The following LRRC4C variants were observed in gnomAD, a reference collection of about 807,000 sequenced individuals.
LRRC4C encodes the protein leucine rich repeat containing 4C.
LRRC4C carries 5 observed loss-of-function variants against 33.6 expected under a neutral mutation model. The ratio of observed to expected loss-of-function variants is 0.15; its 90% CI spans 0.08 to 0.31. LRRC4C has a LOEUF of 0.31. LRRC4C is among the 10% of genes least tolerant of loss of function. The probability of loss-of-function intolerance (pLI) is 1.00; values close to 1 mark genes in which losing one functional copy is unlikely to be tolerated. For missense variants in LRRC4C, 560 were observed against 796.7 expected, an observed-to-expected ratio of 0.70 and a Z score of 3.58; for synonymous variants, 329 against 302.0, an observed-to-expected ratio of 1.09 and a Z score of -0.93.
intron 5 of LRRC4C, among the ~76,000 whole-genome samples, chr11:40,233,299 A>G (rs936560992): frequency 6.6e-6 from 1 of 152,192 alleles, no homozygotes; most frequent in African/African-American, 2.4e-5. Flanking sequence ...CACAGCATAG[A>G]TCACATTTAA....
intron 3 of LRRC4C, among the ~76,000 whole-genome samples, chr11:40,449,085 T>C (rs1196176687): frequency 6.6e-6 from 1 of 152,208 alleles, no homozygotes; most frequent in Non-Finnish European, 1.5e-5. Context: ...TGCCTACTTT[T>C]TGATGGGGTT....
intron 5 of LRRC4C, among the ~76,000 whole-genome samples, chr11:40,234,613 T>A (rs959555302): frequency 4.6e-5 from 7 of 152,016 alleles, no homozygotes; most frequent in African/African-American, 1.7e-4. Flanking sequence ...TACCAAAAAA[T>A]TTTGAAAATT....
intron 1 of LRRC4C, among the ~76,000 whole-genome samples, chr11:41,311,006 C>T (rs1443411549): frequency 6.6e-6 from 1 of 152,104 alleles, no homozygotes; most frequent in Non-Finnish European, 1.5e-5. Context: ...ATATTATTTC[C>T]AACCTTCGCT....
At chr11:40,209,068 G>A (rs1421254584) in intron 5 of LRRC4C, among the ~76,000 whole-genome samples, 1 of 151,798 alleles carries the variant, frequency 6.6e-6, no homozygotes, top group Non-Finnish European at 1.5e-5. Flanking sequence ...CTGTATCCCG[G>A]CAATTTACAA....
intron 4 of LRRC4C, among the ~76,000 whole-genome samples, chr11:40,287,972 G>C (rs11035767): frequency 0.16 from 24,183 of 152,080 alleles, 1,899 homozygotes; most frequent in Non-Finnish European, 0.16. Flanking sequence ...CTCCAACAGA[G>C]TCCATATCTG....
chr11:40,793,020 G>A (rs949150373), intron 2 of LRRC4C, among the ~76,000 whole-genome samples: 3 of 152,030 alleles, frequency 2.0e-5, no homozygotes, highest in African/African-American at 7.2e-5. Context: ...ATAGCATTAG[G>A]AGATACACCT....
intron 2 of LRRC4C, among the ~76,000 whole-genome samples, chr11:40,743,039 T>C (rs1948237613): frequency 6.6e-6 from 1 of 152,058 alleles, no homozygotes; most frequent in South Asian, 2.1e-4. Flanking sequence ...GGTCAAGATC[T>C]TTAATGACAA....
chr11:40,455,244 A>G (rs904862624), intron 3 of LRRC4C, among the ~76,000 whole-genome samples: 8 of 152,206 alleles, frequency 5.3e-5, no homozygotes, highest in Non-Finnish European at 1.2e-4. Context: ...TTTAAACAGC[A>G]TGGCTACTGC....
intron 2 of LRRC4C, among the ~76,000 whole-genome samples, chr11:40,752,022 T>C (rs1227527341): frequency 6.6e-6 from 1 of 152,104 alleles, no homozygotes; most frequent in East Asian, 1.9e-4. Context: ...TTTCAATAAA[T>C]GGTGATGGGA....
chr11:40,960,405 T>G (rs1850894299), intron 1 of LRRC4C, among the ~76,000 whole-genome samples: 1 of 151,748 alleles, frequency 6.6e-6, no homozygotes, highest in Non-Finnish European at 1.5e-5. Flanking sequence ...TTTAATTGTT[T>G]TCCAGCTAAA....
chr11:40,568,762 A>G (rs936548492), intron 3 of LRRC4C, among the ~76,000 whole-genome samples: 1 of 152,204 alleles, frequency 6.6e-6, no homozygotes, highest in Non-Finnish European at 1.5e-5. Flanking sequence ...CAGATATAGT[A>G]ACCTAGAGGG....
chr11:40,806,598 T>C (rs552436456), intron 2 of LRRC4C, among the ~76,000 whole-genome samples: 1 of 152,356 alleles, frequency 6.6e-6, no homozygotes, highest in East Asian at 1.9e-4. Context: ...CTGCTATTGA[T>C]GGAACAAAAT....
At chr11:41,169,780 T>C (rs1440403472) in intron 1 of LRRC4C, among the ~76,000 whole-genome samples, 1 of 152,186 alleles carries the variant, frequency 6.6e-6, no homozygotes, top group Non-Finnish European at 1.5e-5. Flanking sequence ...TGTTCTGTGA[T>C]AAAAGCAAGT....
intron 3 of LRRC4C, among the ~76,000 whole-genome samples, chr11:40,491,754 C>T (rs182759263): frequency 6.2e-4 from 95 of 152,178 alleles, no homozygotes; most frequent in African/African-American, 2.1e-3. Flanking sequence ...GATTAGGGGC[C>T]TTTATTATAT....
chr11:40,159,202 G>T (rs1858958097), intron 5 of LRRC4C, among the ~76,000 whole-genome samples: 1 of 152,152 alleles, frequency 6.6e-6, no homozygotes, highest in African/African-American at 2.4e-5. Context: ...TATCAGGACA[G>T]AAGTTTCAGA....
chr11:41,405,893 A>G (rs1954213474), intron 1 of LRRC4C, among the ~76,000 whole-genome samples: 1 of 152,176 alleles, frequency 6.6e-6, no homozygotes, highest in Non-Finnish European at 1.5e-5. Flanking sequence ...ATGAGCTCAC[A>G]GCCTAGTGAA....
intron 5 of LRRC4C, among the ~76,000 whole-genome samples, chr11:40,151,252 A>G (rs1480139404): frequency 6.6e-6 from 1 of 152,188 alleles, no homozygotes; most frequent in Admixed American, 6.5e-5. Context: ...CATCCAAACC[A>G]CAACCAGACA....
intron 2 of LRRC4C, among the ~76,000 whole-genome samples, chr11:40,907,080 T>A (rs75432736): frequency 0.013 from 1,988 of 152,294 alleles, 41 homozygotes; most frequent in African/African-American, 0.045. Flanking sequence ...TATAGAGATA[T>A]GCAAGTATAT....
chr11:40,464,245 T>C (rs1952545976), intron 3 of LRRC4C, among the ~76,000 whole-genome samples: 1 of 151,894 alleles, frequency 6.6e-6, no homozygotes, highest in Non-Finnish European at 1.5e-5. Flanking sequence ...ATCATTTCAA[T>C]AGATGAGGAA....
Sources: allele counts gnomAD v4.1 joint callset (sites outside exome capture counted in the v4.1 genomes callset), GRCh38; gene constraint gnomAD v4.1.1; transcripts MANE v1.5; gene names NCBI Gene and HGNC (gene_info 2026-07-23, HGNC 2026-07-21).